Variants in TCERG1L observed in about 807,000 individuals in gnomAD.
TCERG1L encodes the protein transcription elongation regulator 1 like, also known as transcription elongation regulator 1-like protein.
A neutral mutation model predicts 56.3 loss-of-function variants in TCERG1L; 37 were observed. The observed-to-expected ratio is 0.66, with a 90% CI of 0.51 to 0.87. TCERG1L has a LOEUF of 0.87. TCERG1L is among the 40% of genes least tolerant of loss of function. TCERG1L has a pLI of 0.00. For synonymous variants in TCERG1L, 324 were observed against 326.3 expected (o/e 0.99, Z 0.08); for missense variants, 799 against 774.2 (o/e 1.03, Z -0.38).
At chr10:131,193,984 A>G (rs1845331321) in intron 4 of TCERG1L, among the ~76,000 whole-genome samples, 1 of 152,214 alleles carries the variant, frequency 6.6e-6, no homozygotes, top group Admixed American at 6.5e-5. Flanking sequence ...TGGATCTAGG[A>G]CACACACCTT....
At chr10:131,226,273 C>T (rs1845790523) in intron 4 of TCERG1L, among the ~76,000 whole-genome samples, 1 of 152,160 alleles carries the variant, frequency 6.6e-6, no homozygotes, top group South Asian at 2.1e-4. Context: ...GACGAAGTGT[C>T]ACTAGGTTGC....
At position 131,137,596 on chromosome 10, in the gene TCERG1L, C is replaced by A. The variant is rs183775533; in HGVS notation, c.1190-3148G>T. ...CTCCTCCACCCACACCAGAACGTAC[C>A]CAGGGAGGCCACGGGGGAAACATCC... On this transcript the variant is annotated intron_variant, in intron 7 of 11. Transcript: ENST00000368642. 2.7e-3 allele frequency among the ~76,000 whole-genome samples: 406 copies of A among 152,280 alleles called. 2 individuals carry two copies. The highest frequency in any genetic ancestry group is 9.4e-3 in the African/African-American group (391 of 41,556).
intron 4 of TCERG1L, among the ~76,000 whole-genome samples, chr10:131,200,184 G>C (rs1286158339): frequency 1.3e-5 from 2 of 152,226 alleles, no homozygotes; most frequent in African/African-American, 4.8e-5. Context: ...GCATTCACAT[G>C]TTGGGTATAT....
At chr10:131,135,556 T>C (rs2133405295) in intron 7 of TCERG1L, among the ~76,000 whole-genome samples, 1 of 152,334 alleles carries the variant, frequency 6.6e-6, no homozygotes, top group East Asian at 1.9e-4. Flanking sequence ...ACAGGCTTCT[T>C]TTCAATGTGC....
chr10:131,246,446 G>A (rs565663983), intron 4 of TCERG1L, among the ~76,000 whole-genome samples: 2 of 152,234 alleles, frequency 1.3e-5, no homozygotes, highest in African/African-American at 2.4e-5. Context: ...GAGGCTGGGA[G>A]GTGGGCAGGG....
chr10:131,103,459 G>A lies in TCERG1L; in HGVS notation c.1485+806C>T, dbSNP rs1235294174. Among the ~76,000 whole-genome samples the A allele has an allele frequency of 3.3e-5, 5 of 152,170 alleles. No homozygotes were observed. The highest frequency in any genetic ancestry group is 1.2e-4 in the African/African-American group (5 of 41,454). Reference sequence around the variant, plus strand: ...TAATCCCAACACTTTGGGAGCCCAAGGTGGAAGGATTGCTTGAGCCTAGGA... The same window carrying A: ...TAATCCCAACACTTTGGGAGCCCAAAGTGGAAGGATTGCTTGAGCCTAGGA... On this transcript the variant is annotated intron_variant, in intron 10 of 11. Coordinates refer to ENST00000368642, the MANE Select transcript of TCERG1L (RefSeq NM_174937.4). This position sits in a 1 kb window ranked among gnomAD's most constrained non-coding sequence, Gnocchi z 4.3.
chr10:131,304,084 T>C lies in TCERG1L; in HGVS notation c.670+4127A>G, dbSNP rs190533268. Among the ~76,000 whole-genome samples the C allele has an allele frequency of 4.5e-4, 68 of 152,108 alleles. No homozygotes were observed. The Middle Eastern group carries it at 0.014, about 30-fold the overall frequency. ...GAAGAGAGGTACAGCCAGTGGTTTG[T>C]TGTGGTTTGGTTTGTTTTGCCCATC... On this transcript the variant is annotated intron_variant, in intron 3 of 11. Transcript: ENST00000368642.
In TCERG1L at chr10:131,204,560, C is replaced by G. The variant is rs551894441; in HGVS notation, c.857-37675G>C. Among the ~76,000 whole-genome samples, 9 of 152,356 alleles carry G rather than the reference C, an allele frequency of 5.9e-5. No homozygotes were observed. In the South Asian group the frequency reaches 1.9e-3, roughly 32 times the overall value. On this transcript the variant is annotated intron_variant, in intron 4 of 11. Transcript: ENST00000368642. ...GTGATGGTGGGTCCTGGCTTCCCAG[C>G]AGCGGTGGCCACAGTCACTGTGTGG...
rs529591239 is a variant in TCERG1L, at chr10:131,102,350, G to T, written c.1485+1915C>A. Among the ~76,000 whole-genome samples the T allele has an allele frequency of 3.3e-5, 5 of 152,312 alleles. No homozygotes were observed. In the South Asian group the frequency reaches 1.0e-3, roughly 32 times the overall value. On this transcript the variant is annotated intron_variant, in intron 10 of 11. Coordinates refer to ENST00000368642, the MANE Select transcript of TCERG1L (RefSeq NM_174937.4). ...GGGTCCAGTTCCAATGAGCAGAGTG[G>T]TGGGTCGAGGGCTGGGAACGGGAGT...
rs192482422 is a variant in TCERG1L, at chr10:131,150,446, G to A, written c.1035-3786C>T. ...ACGGGAGAATTATCCGGAAGCCAGA[G>A]GCCTCGGGACACAGGCTCAGACTGG... On this transcript the variant is annotated intron_variant, in intron 6 of 11. Transcript: ENST00000368642. 1.8e-4 allele frequency among the ~76,000 whole-genome samples: 28 copies of A among 152,326 alleles called. No individual in the cohort carries two copies. In the East Asian group the frequency reaches 2.9e-3, roughly 16 times the overall value.
chr10:131,230,604 A>C (rs1399712886), intron 4 of TCERG1L, among the ~76,000 whole-genome samples: 1 of 152,226 alleles, frequency 6.6e-6, no homozygotes, highest in Non-Finnish European at 1.5e-5. Flanking sequence ...ATCTCAGCTA[A>C]GCCTCCGTGT....
intron 7 of TCERG1L, among the ~76,000 whole-genome samples, chr10:131,138,556 G>C (rs1183009510): frequency 6.6e-6 from 1 of 152,156 alleles, no homozygotes; most frequent in Admixed American, 6.5e-5. Context: ...GGAAAGTAGG[G>C]CCAATTCATC....
chr10:131,299,542 T>C (rs1846737375), intron 3 of TCERG1L, among the ~76,000 whole-genome samples: 1 of 141,428 alleles, frequency 7.1e-6, no homozygotes, highest in Admixed American at 6.9e-5. Flanking sequence ...TATATCTTCA[T>C]CTTAGAGGGA....
chr10:131,277,282 C>T (rs952597404), intron 3 of TCERG1L, among the ~76,000 whole-genome samples: 3 of 152,182 alleles, frequency 2.0e-5, no homozygotes, highest in African/African-American at 7.2e-5. Context: ...GGTTCTGGAA[C>T]TTACAAAGGA....
At chr10:131,188,064 C>T (rs1011157113) in intron 4 of TCERG1L, among the ~76,000 whole-genome samples, 15 of 152,192 alleles carry the variant, frequency 9.9e-5, no homozygotes, top group Non-Finnish European at 1.3e-4. Context: ...AAGTGACAGC[C>T]GGGCAGGGCT....
chr10:131,201,157 G>T (rs987856228), intron 4 of TCERG1L, among the ~76,000 whole-genome samples: 2 of 152,188 alleles, frequency 1.3e-5, no homozygotes, highest in Non-Finnish European at 2.9e-5. Flanking sequence ...AGAGGTGAAA[G>T]AATTCCTGAG....
At chr10:131,150,034 C>T (rs1358461851) in intron 6 of TCERG1L, among the ~76,000 whole-genome samples, 2 of 152,204 alleles carry the variant, frequency 1.3e-5, no homozygotes, top group African/African-American at 4.8e-5. Context: ...TGTTTTGCTG[C>T]AACTGGTCTG....
chr10:131,240,008 G>A (rs1845953698), intron 4 of TCERG1L, among the ~76,000 whole-genome samples: 1 of 152,178 alleles, frequency 6.6e-6, no homozygotes. Context: ...GTGGTTTCAG[G>A]AAATGGGTCA....
chr10:131,291,587 C>T (rs1389973035), intron 3 of TCERG1L, among the ~76,000 whole-genome samples: 1 of 150,940 alleles, frequency 6.6e-6, no homozygotes, highest in African/African-American at 2.4e-5. Flanking sequence ...CCAACACACC[C>T]GGCTAATTTT....
Sources: allele counts gnomAD v4.1 joint callset (sites outside exome capture counted in the v4.1 genomes callset), GRCh38; gene constraint gnomAD v4.1.1; non-coding constraint Gnocchi (gnomAD v3.1); transcripts MANE v1.5; gene names NCBI Gene and HGNC (gene_info 2026-07-23, HGNC 2026-07-21).